The following GET1 variants were observed in gnomAD, a reference collection of about 807,000 sequenced individuals.
GET1 encodes the protein guided entry of tail-anchored proteins factor 1, also known as congenital heart disease 5 protein.
A neutral mutation model predicts 22.6 loss-of-function variants in GET1; 20 were observed. The observed-to-expected ratio is 0.89, with a 90% CI of 0.62 to 1.29. GET1 has a LOEUF of 1.29. GET1 is among the 50% of genes most tolerant of loss of function. The pLI is 0.00. For missense variants in GET1, 209 were observed against 219.9 expected (o/e 0.95, Z 0.31); for synonymous variants, 92 against 83.8 (o/e 1.10, Z -0.53).
rs553499707 is a variant in GET1, at chr21:39,388,209, T to TA, written c.103-2480dup. ...AGTGAAACCGTGTGTCTACTAAAAC[T>TA]AAAAAAAAATTAGTCGAGTGTGGTG... is the stretch of plus-strand genomic sequence containing the variant. On this transcript the variant is annotated intron_variant, in intron 1 of 4. Transcript: ENST00000649170. 2.5e-3 allele frequency among the ~76,000 whole-genome samples: 376 copies of TA among 151,306 alleles called. 2 individuals carry two copies. Among genetic ancestry groups the TA allele is most frequent in the Non-Finnish European group, 4.1e-3 (278 of 67,744 alleles).
At chr21:39,413,128 A>G (rs1007746090) in intron 1 of GET1, among the ~76,000 whole-genome samples, 4 of 152,196 alleles carry the variant, frequency 2.6e-5, no homozygotes, top group African/African-American at 9.7e-5. Context: ...TTCAGTACAC[A>G]TCAGACAGGG....
At chr21:39,399,187 T>G (rs887782978), downstream of GET1, among the ~76,000 whole-genome samples, 5 of 152,254 alleles carry the variant, frequency 3.3e-5, no homozygotes, top group African/African-American at 1.2e-4. Flanking sequence ...GCCAGTGATA[T>G]TCCATGCATT....
chr21:39,385,665 T>G (rs1335300852), intron 1 of GET1, among the ~76,000 whole-genome samples: 1 of 152,254 alleles, frequency 6.6e-6, no homozygotes, highest in Admixed American at 6.5e-5. Flanking sequence ...TGGCGGGGGC[T>G]GAGGGTCCAT....
At chr21:39,392,097 G>A (rs1157181781) in intron 3 of GET1, 3 of 453,464 alleles carry the variant, frequency 6.6e-6, no homozygotes, top group Non-Finnish European at 7.9e-6. Context: ...CTTTCACCAT[G>A]CCTGCATCCC....
downstream of GET1, among the ~76,000 whole-genome samples, chr21:39,400,881 A>C (rs2038822610): frequency 6.6e-6 from 1 of 151,484 alleles, no homozygotes; most frequent in South Asian, 2.1e-4. Context: ...TAGGGTAATC[A>C]TTCCTTTATG....
chr21:39,406,618 T>C (rs993038303), downstream of GET1: 5 of 1,555,936 alleles, frequency 3.2e-6, no homozygotes, highest in Admixed American at 6.2e-5. Context: ...TAAATCTATA[T>C]TAGAAAAATA....
chr21:39,407,475 A>G (rs1459686300), downstream of GET1, among the ~76,000 whole-genome samples: 1 of 152,204 alleles, frequency 6.6e-6, no homozygotes, highest in African/African-American at 2.4e-5. Context: ...CGAACCTACA[A>G]AAAATAGACA....
chr21:39,422,862 C>A, intron 1 of GET1: 1 of 968,538 alleles, frequency 1.0e-6, no homozygotes, highest in Non-Finnish European at 1.6e-6. Context: ...TGCAGCACGC[C>A]AAGTGAAGCA....
chr21:39,420,246 G>A (rs535691803), intron 1 of GET1, among the ~76,000 whole-genome samples: 1 of 152,172 alleles, frequency 6.6e-6, no homozygotes, highest in South Asian at 2.1e-4. Context: ...TTTAGGCCAG[G>A]TGCGGTGGCT....
chr21:39,402,912 A>G (rs886963395), intron 4 of GET1, among the ~76,000 whole-genome samples: 1 of 152,224 alleles, frequency 6.6e-6, no homozygotes, highest in Non-Finnish European at 1.5e-5. Flanking sequence ...TTTTTTATTC[A>G]TACAGTTAAG....
downstream of GET1, among the ~76,000 whole-genome samples, chr21:39,406,954 C>T (rs1165603470): frequency 6.6e-6 from 1 of 152,198 alleles, no homozygotes; most frequent in Admixed American, 6.5e-5. Context: ...TGGCTGGGTG[C>T]AGTGGCTCAC....
intron 1 of GET1, among the ~76,000 whole-genome samples, chr21:39,412,204 C>T (rs201610753): frequency 2.0e-5 from 3 of 152,254 alleles, no homozygotes; most frequent in East Asian, 3.9e-4. Flanking sequence ...TTCCAATAGG[C>T]GGTCAGCAGC....
In GET1 at chr21:39,390,839, A is replaced by G; in HGVS notation, c.244A>G (p.Met82Val). ...CAGGCTGGAAAGAAAGATCAACAAG[A>G]TGACGGATAAGCTCAAAACCCATGG... is the stretch of plus-strand genomic sequence containing the variant. ...YARLERKINK[M>V]TDKLKTHVKA... The change falls in exon 2 of 5, where the codon ATG (methionine) becomes GTG (valine). Residue 82 changes from methionine (M) to valine (V), a missense_variant. Transcript: ENST00000649170. 1 of 1,614,190 alleles carries G rather than the reference A, an allele frequency of 6.2e-7. No individual in the cohort carries two copies. Among genetic ancestry groups the G allele is most frequent in the South Asian group, 1.1e-5 (1 of 91,084 alleles).
chr21:39,382,173 G>A (rs1236126018), intron 1 of GET1, among the ~76,000 whole-genome samples: 2 of 151,652 alleles, frequency 1.3e-5, no homozygotes, highest in Non-Finnish European at 2.9e-5. Context: ...TCCTGCCTCA[G>A]CCTCCCAGGT....
At chr21:39,403,945 A>C (rs2038916458) in intron 4 of GET1, among the ~76,000 whole-genome samples, 1 of 151,460 alleles carries the variant, frequency 6.6e-6, no homozygotes, top group African/African-American at 2.4e-5. Context: ...ATATTTTTTG[A>C]GACAGGGTCT....
At chr21:39,426,142 C>CT (rs1179317143) in intron 1 of GET1, 1 of 152,174 alleles carries the variant, frequency 6.6e-6, no homozygotes, top group Non-Finnish European at 1.5e-5. Context: ...CCAAACGTGT[C>CT]TGAGATTGAC....
At chr21:39,402,650 A>G (rs1410714550), downstream of GET1, among the ~76,000 whole-genome samples, 4 of 152,166 alleles carry the variant, frequency 2.6e-5, no homozygotes, top group Non-Finnish European at 5.9e-5. Flanking sequence ...TGATTTAGAA[A>G]CGTTTTCTAT....
chr21:39,418,896 A>G (rs1347235501), intron 1 of GET1, among the ~76,000 whole-genome samples: 1 of 152,052 alleles, frequency 6.6e-6, no homozygotes, highest in Non-Finnish European at 1.5e-5. Context: ...GTGTCTCCAT[A>G]TGTGTGTGTG....
intron 4 of GET1, among the ~76,000 whole-genome samples, chr21:39,404,518 G>A (rs2038939771): frequency 6.6e-6 from 1 of 152,134 alleles, no homozygotes; most frequent in South Asian, 2.1e-4. Context: ...GCTGAGGTGG[G>A]CAGATCACCT....
Sources: gnomAD v4.1 joint callset for allele counts (sites outside exome capture counted in the v4.1 genomes callset) on GRCh38, gnomAD v4.1.1 for gene constraint, MANE v1.5 for transcripts, NCBI Gene and HGNC (gene_info 2026-07-23, HGNC 2026-07-21) for gene names.